The following ARID5B variants were observed in gnomAD, a reference collection of about 807,000 sequenced individuals.
The protein encoded by ARID5B is AT-rich interaction domain 5B, also known as AT-rich interactive domain-containing protein 5B.
ARID5B carries 13 observed loss-of-function variants against 97.2 expected under a neutral mutation model. The ratio of observed to expected loss-of-function variants is 0.13; its 90% CI spans 0.09 to 0.21. The LOEUF is 0.21. ARID5B is among the 10% of genes least tolerant of loss of function. ARID5B has a pLI of 1.00. For synonymous variants in ARID5B, 556 were observed against 570.3 expected, an observed-to-expected ratio of 0.97 and a Z score of 0.36; for missense variants, 1,210 against 1,465.3, an observed-to-expected ratio of 0.83 and a Z score of 2.84.
intron 2 of ARID5B, among the ~76,000 whole-genome samples, chr10:61,922,055 G>A (rs1050496471): frequency 2.6e-5 from 4 of 151,980 alleles, no homozygotes; most frequent in African/African-American, 4.8e-5. Flanking sequence ...ATATCTCCCC[G>A]CTCTTCAGGG....
chr10:61,949,045 T>C lies in ARID5B; in HGVS notation c.502+8637T>C, dbSNP rs1456930846. Among the ~76,000 whole-genome samples, 3 of 152,316 alleles carry C rather than the reference T, an allele frequency of 2.0e-5. No homozygotes were observed. In the South Asian group the frequency reaches 6.2e-4, roughly 32 times the overall value. On this transcript the variant is annotated intron_variant, in intron 3 of 9. Transcript: ENST00000279873. ...GGCAGCTACTGTGGCTCAATATCAA[T>C]GTTGTGCCTTTTGAGCTTCTGTAGT...
intron 3 of ARID5B, among the ~76,000 whole-genome samples, chr10:61,987,526 C>A (rs1246383848): frequency 6.6e-6 from 1 of 152,108 alleles, no homozygotes; most frequent in East Asian, 1.9e-4. Flanking sequence ...AGATTTCTGG[C>A]AGCAAGACTA....
intron 2 of ARID5B, among the ~76,000 whole-genome samples, chr10:61,917,581 C>T (rs1369110925): frequency 6.6e-6 from 1 of 152,220 alleles, no homozygotes; most frequent in Admixed American, 6.5e-5. Context: ...TTTTAAAACA[C>T]TCTTTGTGGG....
chr10:61,923,357 A>G (rs538101442), intron 2 of ARID5B, among the ~76,000 whole-genome samples: 2 of 152,084 alleles, frequency 1.3e-5, no homozygotes, highest in Admixed American at 6.5e-5. Flanking sequence ...TTGCCCCATC[A>G]ATGCCTCTTC....
Position 61,902,312 on chromosome 10 carries a change from C to T in ARID5B, c.175C>T (p.Leu59=). 6.2e-7 allele frequency: 1 copy of T among 1,614,140 alleles called. No homozygotes were observed. The highest frequency in any genetic ancestry group is 1.3e-5 in the African/African-American group (1 of 75,018). The change falls in exon 2 of 10, where the codon CTG becomes TTG. Residue 59 remains leucine (L), a synonymous_variant. Transcript: ENST00000279873. ...KDPICIAELQ[L]LWEERTSRQL... is the part of the protein sequence containing the mutation. ...TCCGATTTGCATAGCGGAGCTCCAG[C>T]TGTTGTGGGAAGAGAGGACCAGCCG...
intron 2 of ARID5B, among the ~76,000 whole-genome samples, chr10:61,905,401 A>T (rs1445844986): frequency 6.6e-6 from 1 of 150,970 alleles, no homozygotes; most frequent in African/African-American, 2.4e-5. Context: ...ATTGTGCAAG[A>T]TTAGAAATAG....
intron 5 of ARID5B, among the ~76,000 whole-genome samples, chr10:62,055,578 AATG>A (rs1839845359): frequency 1.3e-5 from 2 of 152,306 alleles, no homozygotes; most frequent in South Asian, 4.1e-4. Context: ...GGCAGTGAAA[AATG>A]ATGACAACAT....
chr10:62,051,152 T>C (rs1839784337), intron 5 of ARID5B, 152 bp downstream of exon 5: 3 of 734,910 alleles, frequency 4.1e-6, no homozygotes, highest in Non-Finnish European at 4.8e-6. Flanking sequence ...GCTGTGCCTG[T>C]TCCTGCCACC....
chr10:62,062,883 A>C (rs1839940236), intron 7 of ARID5B, among the ~76,000 whole-genome samples: 1 of 151,392 alleles, frequency 6.6e-6, no homozygotes, highest in Non-Finnish European at 1.5e-5. Context: ...AATGAGTTGC[A>C]TGGGATCATC....
intron 3 of ARID5B, among the ~76,000 whole-genome samples, chr10:61,984,685 G>A (rs1473511912): frequency 6.6e-6 from 1 of 152,218 alleles, no homozygotes; most frequent in African/African-American, 2.4e-5. Flanking sequence ...CCATGCATGA[G>A]CGCAGCCTCG....
chr10:61,953,629 A>C (rs986692633), intron 3 of ARID5B, among the ~76,000 whole-genome samples: 4 of 152,184 alleles, frequency 2.6e-5, no homozygotes, highest in Non-Finnish European at 5.9e-5. Context: ...TGAACTTTAC[A>C]AAGTAAGATG....
intron 3 of ARID5B, among the ~76,000 whole-genome samples, chr10:61,965,014 A>C (rs10821938): frequency 0.55 from 84,129 of 151,934 alleles, 23,442 homozygotes; most frequent in Non-Finnish European, 0.59. Context: ...TTCTACCAGC[A>C]AATGCTTTGG....
At chr10:62,037,342 A>T (rs1480369978) in intron 4 of ARID5B, among the ~76,000 whole-genome samples, 1 of 152,146 alleles carries the variant, frequency 6.6e-6, no homozygotes, top group African/African-American at 2.4e-5. Context: ...GGGCCCTCAC[A>T]TGGTTAGAGT....
intron 6 of ARID5B, among the ~76,000 whole-genome samples, chr10:62,058,560 G>T (rs1839884944): frequency 6.6e-6 from 1 of 152,176 alleles, no homozygotes; most frequent in African/African-American, 2.4e-5. Flanking sequence ...TCTGCAAAGA[G>T]AAATCTGTTT....
At chr10:62,049,398 C>A (rs1195432704) in intron 4 of ARID5B, 19 of 1,549,764 alleles carry the variant, frequency 1.2e-5, no homozygotes, top group Non-Finnish European at 1.5e-5. Flanking sequence ...GTCGAGACTT[C>A]CAGGGATGTG....
intron 7 of ARID5B, among the ~76,000 whole-genome samples, chr10:62,066,252 C>A (rs1031750146): frequency 6.6e-6 from 1 of 152,126 alleles, no homozygotes; most frequent in Non-Finnish European, 1.5e-5. Flanking sequence ...TGTGTTTGGA[C>A]AATGGGAGAA....
At chr10:61,918,200 C>T (rs1843944179) in intron 2 of ARID5B, among the ~76,000 whole-genome samples, 1 of 152,194 alleles carries the variant, frequency 6.6e-6, no homozygotes, top group Non-Finnish European at 1.5e-5. Flanking sequence ...TGTCTGTTTT[C>T]TCTTTCTAGT....
intron 3 of ARID5B, among the ~76,000 whole-genome samples, chr10:61,964,882 G>A (rs1302121357): frequency 4.6e-5 from 7 of 152,122 alleles, no homozygotes; most frequent in African/African-American, 1.2e-4. Context: ...GTGTGAATTC[G>A]GAATTCCTTC....
intron 3 of ARID5B, among the ~76,000 whole-genome samples, chr10:61,980,744 T>C (rs936573012): frequency 6.6e-6 from 1 of 152,216 alleles, no homozygotes; most frequent in Non-Finnish European, 1.5e-5. Context: ...GGAACTAGAA[T>C]GGCAAACCCA....
Sources: gnomAD v4.1 joint callset for allele counts (sites outside exome capture counted in the v4.1 genomes callset) on GRCh38, gnomAD v4.1.1 for gene constraint, MANE v1.5 for transcripts, NCBI Gene and HGNC (gene_info 2026-07-23, HGNC 2026-07-21) for gene names.